Variants in VPS13A observed in about 807,000 individuals in gnomAD.
VPS13A encodes the protein intermembrane lipid transfer protein VPS13A.
Under a neutral mutation model 390.9 loss-of-function variants are expected in VPS13A, and 264 were observed. The ratio of observed to expected loss-of-function variants is 0.68; its 90% CI spans 0.61 to 0.75. The LOEUF is 0.75. Ranked by LOEUF, VPS13A falls within the 30% of genes least tolerant of loss-of-function variation. VPS13A has a pLI of 0.00. For missense variants in VPS13A, 3,409 were observed against 3,733.9 expected, an observed-to-expected ratio of 0.91 and a Z score of 2.27; for synonymous variants, 1,231 against 1,227.1, an observed-to-expected ratio of 1.00 and a Z score of -0.07.
Position 77,370,243 on chromosome 9 carries a change from A to G in VPS13A, c.8668-14A>G, listed in dbSNP as rs1248766179. 1.2e-6 allele frequency: 2 copies of G among 1,613,842 alleles called. No individual in the cohort carries two copies. Among genetic ancestry groups the G allele is most frequent in the South Asian group, 1.1e-5 (1 of 91,062 alleles). The stretch of plus-strand genomic sequence containing the variant: ...TAACTCACTCACTCATTTATTTACT[A>G]TTTGGCCCTTTAGGGAGCCATCCAG... On this transcript the variant is annotated splice_polypyrimidine_tract_variant and intron_variant, in intron 63 of 71. Coordinates refer to ENST00000360280, the MANE Select transcript of VPS13A (RefSeq NM_033305.3).
chr9:77,420,489 T>A lies in VPS13A; in HGVS notation c.*4483T>A. ...CATTATGGCATTTTCAAAAAAAAAA[T>A]TATTTTGGTTACCCAAAAAGCTATA... On this transcript the variant is annotated 3_prime_UTR_variant, in exon 72 of 72. Transcript: ENST00000360280. 1 of 152,134 alleles carries A rather than the reference T, an allele frequency of 6.6e-6. No homozygotes were observed. Among genetic ancestry groups the A allele is most frequent in the East Asian group, 1.9e-4 (1 of 5,202 alleles). The allele number at this position is 152,134 out of a possible 1,614,324, so 9.4% of individuals were successfully genotyped here.
intron 22 of VPS13A, among the ~76,000 whole-genome samples, chr9:77,255,103 A>G (rs907070086): frequency 2.4e-4 from 36 of 152,094 alleles, no homozygotes; most frequent in African/African-American, 7.2e-4. Flanking sequence ...GTATTTCACC[A>G]TTGAGTATGA....
intron 31 of VPS13A, among the ~76,000 whole-genome samples, chr9:77,291,516 G>A (rs1028026443): frequency 1.3e-5 from 2 of 152,098 alleles, no homozygotes; most frequent in African/African-American, 2.4e-5. Flanking sequence ...AGATTAATAC[G>A]ATTTCCTTCA....
At chr9:77,240,490 T>G (rs1357524021) in intron 19 of VPS13A, among the ~76,000 whole-genome samples, 4 of 150,738 alleles carry the variant, frequency 2.7e-5, no homozygotes, top group South Asian at 2.1e-4. Context: ...TTTTTTTTTT[T>G]TTTTTTGACA....
intron 47 of VPS13A, chr9:77,338,609 ACT>A (rs1830655305): frequency 6.6e-6 from 1 of 152,088 alleles, no homozygotes; most frequent in African/African-American, 2.4e-5. Flanking sequence ...TTTATTTATC[ACT>A]CTAGCACTAC....
At chr9:77,218,077 A>G (rs1590017234) in intron 10 of VPS13A, among the ~76,000 whole-genome samples, 2 of 146,118 alleles carry the variant, frequency 1.4e-5, no homozygotes, top group South Asian at 4.3e-4. Flanking sequence ...CCATTTGCAT[A>G]TCTTCTTTTG....
In VPS13A at chr9:77,273,264, ATTAC is replaced by A; in HGVS notation, c.2428-13_2428-10del. 6.3e-7 allele frequency: 1 copy of A among 1,591,274 alleles called. No homozygotes were observed. The highest frequency in any genetic ancestry group is 8.6e-7 in the Non-Finnish European group (1 of 1,161,318). ...ACATTTTTGTGCTAATCAACATTGAATTACTTTTCTTTCAGATTCAAACATCTAC... is the reference window on the plus strand; with the variant it reads ...ACATTTTTGTGCTAATCAACATTGAATTTTCTTTCAGATTCAAACATCTAC... On this transcript the variant is annotated splice_polypyrimidine_tract_variant and intron_variant, in intron 23 of 71. Coordinates refer to ENST00000360280, the MANE Select transcript of VPS13A (RefSeq NM_033305.3).
chr9:77,389,346 T>G (rs373826395), intron 68 of VPS13A, among the ~76,000 whole-genome samples: 207 of 151,524 alleles, frequency 1.4e-3, no homozygotes, highest in African/African-American at 4.6e-3. Flanking sequence ...TTCACTCCAT[T>G]GCCCATGCTG....
chr9:77,385,103 A>G, intron 68 of VPS13A: 1 of 985,804 alleles, frequency 1.0e-6, no homozygotes, highest in Non-Finnish European at 1.2e-6. Flanking sequence ...GGAAGAAAAT[A>G]GTAATAGCCA....
intron 68 of VPS13A, among the ~76,000 whole-genome samples, chr9:77,402,449 C>T (rs1186491482): frequency 1.3e-5 from 2 of 152,146 alleles, no homozygotes; most frequent in African/African-American, 2.4e-5. Flanking sequence ...AAATTCATAA[C>T]ATGCCTCTTC....
chr9:77,204,243 A>C (rs1208485311), intron 3 of VPS13A, among the ~76,000 whole-genome samples: 1 of 152,196 alleles, frequency 6.6e-6, no homozygotes, highest in Non-Finnish European at 1.5e-5. Context: ...GCAGCTGTAT[A>C]AATCTAGACA....
chr9:77,352,408 A>T (rs1328066872), intron 53 of VPS13A, among the ~76,000 whole-genome samples: 2 of 151,764 alleles, frequency 1.3e-5, no homozygotes. Context: ...GCTGCTGTTG[A>T]GGAGTCTGCT....
intron 50 of VPS13A, among the ~76,000 whole-genome samples, chr9:77,341,671 G>A (rs990161511): frequency 5.9e-5 from 5 of 84,282 alleles, no homozygotes; most frequent in Non-Finnish European, 1.1e-4. Context: ...TTCTGAGTAA[G>A]TTCTACATGG....
chr9:77,207,398 A>C (rs902951424), intron 5 of VPS13A, among the ~76,000 whole-genome samples: 1 of 149,962 alleles, frequency 6.7e-6, no homozygotes, highest in African/African-American at 2.4e-5. Flanking sequence ...CGTGTAATAT[A>C]TATATTACAC....
At chr9:77,414,670 C>T (rs1177575114) in intron 71 of VPS13A, among the ~76,000 whole-genome samples, 1 of 151,744 alleles carries the variant, frequency 6.6e-6, no homozygotes, top group Non-Finnish European at 1.5e-5. Flanking sequence ...AGCACACCAA[C>T]ATGGCACATA....
At chr9:77,285,919 T>C (rs1827295692) in intron 31 of VPS13A, among the ~76,000 whole-genome samples, 1 of 152,238 alleles carries the variant, frequency 6.6e-6, no homozygotes, top group South Asian at 2.1e-4. Context: ...ATTTATTCTG[T>C]ACAATTTTCC....
chr9:77,406,442 CAG>C (rs199892340), intron 70 of VPS13A, among the ~76,000 whole-genome samples: 1,599 of 152,112 alleles, frequency 0.011, 64 homozygotes, highest in Admixed American at 0.074. Context: ...TTTTTTGAGA[CAG>C]AGTCTTGCCC....
At chr9:77,207,253 A>ATATATATATATATAT (rs68085065) in intron 5 of VPS13A, among the ~76,000 whole-genome samples, 2 of 91,602 alleles carry the variant, frequency 2.2e-5, no homozygotes, top group Admixed American at 1.1e-4. Context: ...ATATATATAT[A>ATATATATATATATAT]AAACGTGTTA....
At chr9:77,194,166 C>A (rs1281890538) in intron 1 of VPS13A, among the ~76,000 whole-genome samples, 1 of 152,036 alleles carries the variant, frequency 6.6e-6, no homozygotes, top group Non-Finnish European at 1.5e-5. Context: ...CCTGGCAAAA[C>A]AGTGCGGGGA....
Sources: gnomAD v4.1 joint callset for allele counts (sites outside exome capture counted in the v4.1 genomes callset) on GRCh38, gnomAD v4.1.1 for gene constraint, MANE v1.5 for transcripts, NCBI Gene and HGNC (gene_info 2026-07-23, HGNC 2026-07-21) for gene names.